MFSD6: variants seen among roughly 807,000 people sequenced by gnomAD.
MFSD6 encodes major facilitator superfamily domain-containing protein 6.
MFSD6 carries 26 observed loss-of-function variants against 56.3 expected under a neutral mutation model. That is an observed-to-expected ratio of 0.46 (90% CI 0.34 to 0.64). The LOEUF is 0.64. MFSD6 is among the 30% of genes least tolerant of loss of function. The pLI, the probability that MFSD6 is intolerant of heterozygous loss-of-function variation, is 0.01. For missense variants in MFSD6, 750 were observed against 986.2 expected, an observed-to-expected ratio of 0.76 and a Z score of 3.21; for synonymous variants, 331 against 366.9, an observed-to-expected ratio of 0.90 and a Z score of 1.12.
rs766388709 is a variant in MFSD6, at chr2:190,464,843, G to GTGGC, written c.1533-4914_1533-4911dup. On this transcript the variant is annotated intron_variant, in intron 3 of 7. Transcript: ENST00000392328. ...CTCCCCTCACAGTATATGGTAGATAGTGGCATCTTAATAAATGTTTATTGA... is the reference window on the plus strand; with the variant it reads ...CTCCCCTCACAGTATATGGTAGATAGTGGCTGGCATCTTAATAAATGTTTATTGA... The GTGGC allele has an allele frequency of 6.3e-4, 537 of 856,824 alleles. 1 individual carries two copies. Among genetic ancestry groups the GTGGC allele is most frequent in the Non-Finnish European group, 7.3e-4 (519 of 712,992 alleles). 53.1% of individuals were successfully genotyped at this position (856,824 alleles called of 1,614,324 possible).
In MFSD6 at chr2:190,459,014, G is replaced by A. The variant is rs1687185346; in HGVS notation, c.1533-10744G>A. ...ACTGACTGCTCCCAAGTCTGACGTAGAGAGTGGGTCCATCCCCTCTTCAGT... is the reference window on the plus strand; with the variant it reads ...ACTGACTGCTCCCAAGTCTGACGTAAAGAGTGGGTCCATCCCCTCTTCAGT... On this transcript the variant is annotated intron_variant, in intron 3 of 7. Transcript: ENST00000392328. The surrounding 1 kb of genome is among the most constrained non-coding windows in gnomAD (Gnocchi z 5.3). 6.6e-6 allele frequency among the ~76,000 whole-genome samples: 1 copy of A among 152,234 alleles called. No homozygotes were observed. Among genetic ancestry groups the A allele is most frequent in the Non-Finnish European group, 1.5e-5 (1 of 68,046 alleles).
In MFSD6 at chr2:190,415,711, T is replaced by C. The variant is rs976411778; in HGVS notation, c.-54+298T>C. ...ATTTTAGATTACATATATGGGAAGG[T>C]ACTAAGGATATAAATTATTCTTTTA... On this transcript the variant is annotated intron_variant, in intron 2 of 7. Coordinates refer to ENST00000392328, the MANE Select transcript of MFSD6 (RefSeq NM_017694.4). The surrounding 1 kb of genome is among the most constrained non-coding windows in gnomAD (Gnocchi z 4.5). 6.6e-6 allele frequency among the ~76,000 whole-genome samples: 1 copy of C among 152,208 alleles called. No homozygotes were observed. The highest frequency in any genetic ancestry group is 2.4e-5 in the African/African-American group (1 of 41,454).
chr2:190,417,690 T>C lies in MFSD6; in HGVS notation c.-54+2277T>C, dbSNP rs573483623. ...CTGGGTGGCCTCATGTGCCCTTTAGTCTTGGGATAAATCTTTTACGGATCC... is the reference window on the plus strand; with the variant it reads ...CTGGGTGGCCTCATGTGCCCTTTAGCCTTGGGATAAATCTTTTACGGATCC... On this transcript the variant is annotated intron_variant, in intron 2 of 7. Coordinates refer to ENST00000392328, the MANE Select transcript of MFSD6 (RefSeq NM_017694.4). This position sits in a 1 kb window ranked among gnomAD's most constrained non-coding sequence, Gnocchi z 5.7. Among the ~76,000 whole-genome samples, 25 of 152,270 alleles carry C rather than the reference T, an allele frequency of 1.6e-4. No homozygotes were observed. The South Asian group carries it at 5.2e-3, about 32-fold the overall frequency.
Position 190,426,656 on chromosome 2 carries a change from G to A in MFSD6, c.-53-9321G>A, listed in dbSNP as rs1685792999. ...ATTCTCCCCACTTTTGGAGTCCCCA[G>A]TGTCTATTATTTCCAAATGATGGTT... On this transcript the variant is annotated intron_variant, in intron 2 of 7. Coordinates refer to ENST00000392328, the MANE Select transcript of MFSD6 (RefSeq NM_017694.4). This position sits in a 1 kb window ranked among gnomAD's most constrained non-coding sequence, Gnocchi z 4.7. Among the ~76,000 whole-genome samples the A allele has an allele frequency of 6.6e-6, 1 of 152,108 alleles. No individual in the cohort carries two copies. The highest frequency in any genetic ancestry group is 2.4e-5 in the African/African-American group (1 of 41,418).
chr2:190,474,392 C>A (rs931851468), intron 4 of MFSD6, among the ~76,000 whole-genome samples: 1 of 152,182 alleles, frequency 6.6e-6, no homozygotes, highest in Non-Finnish European at 1.5e-5. Flanking sequence ...ATATCACCAC[C>A]GATCCCACAG....
intron 4 of MFSD6, among the ~76,000 whole-genome samples, chr2:190,483,821 G>A (rs968216238): frequency 3.2e-5 from 4 of 125,868 alleles, no homozygotes; most frequent in African/African-American, 5.9e-5. Context: ...GGCAACAAGA[G>A]TGAAACTCAT....
rs1030944505 is a variant in MFSD6, at chr2:190,418,507, G to C, written c.-54+3094G>C. 1.1e-4 allele frequency among the ~76,000 whole-genome samples: 16 copies of C among 152,086 alleles called. No individual in the cohort carries two copies. Among genetic ancestry groups the C allele is most frequent in the African/African-American group, 3.9e-4 (16 of 41,398 alleles). ...ACAGTGGCCCACACCTGTAATTCCA[G>C]TACTTTAGGAGGCTGAGGCAAATGG... On this transcript the variant is annotated intron_variant, in intron 2 of 7. Transcript: ENST00000392328. The surrounding 1 kb of genome is among the most constrained non-coding windows in gnomAD (Gnocchi z 4.1).
chr2:190,486,988 A>G (rs1689047916), intron 4 of MFSD6, among the ~76,000 whole-genome samples: 1 of 152,210 alleles, frequency 6.6e-6, no homozygotes. Flanking sequence ...TAAATGGTGA[A>G]GATATAAAAC....
chr2:190,436,996 C>A lies in MFSD6; in HGVS notation c.967C>A (p.Arg323Ser). Residue 323 changes from arginine to serine, a missense_variant, in exon 3 of 8, where the codon CGC becomes AGC. Physicochemically the swap from Arg to Ser is moderately radical, Grantham distance 110. Transcript: ENST00000392328. This position sits in a 1 kb window ranked among gnomAD's most constrained non-coding sequence, Gnocchi z 5.3. The stretch of plus-strand genomic sequence containing the variant: ...CCAGTATCTGGGAAAACACAGAGAT[C>A]GCTATGGGTTGCAGCGCATGTGGGG... The part of the protein sequence containing the change: ...TLQYLGKHRD[R>S]YGLQRMWGSL... The A allele has an allele frequency of 6.2e-7, 1 of 1,614,224 alleles. No homozygotes were observed. Among genetic ancestry groups the A allele is most frequent in the Non-Finnish European group, 8.5e-7 (1 of 1,180,042 alleles).
chr2:190,500,108 CCT>C lies in MFSD6; in HGVS notation c.2267_2268del (p.Pro756ArgfsTer24). 3 of 1,614,176 alleles carry C rather than the reference CCT, an allele frequency of 1.9e-6. No homozygotes were observed. Among genetic ancestry groups the C allele is most frequent in the East Asian group, 2.2e-5 (1 of 44,884 alleles). On this transcript the variant is annotated frameshift_variant, in exon 8 of 8. Coordinates refer to ENST00000392328, the MANE Select transcript of MFSD6 (RefSeq NM_017694.4). LOFTEE classifies it low-confidence loss of function (END_TRUNC). This position sits in a 1 kb window ranked among gnomAD's most constrained non-coding sequence, Gnocchi z 5.3. Reference protein sequence around the residue: ...HSDPSRNQPSPDAAASQTQTS... With the variant: ...HSDPSRNQPSXDAAASQTQTS... ...TGACCCATCTAGAAACCAGCCATCC[CCT>C]GACGCAGCAGCATCTCAGACGCAGA...
chr2:190,449,015 A>G (rs1686679953), intron 3 of MFSD6, among the ~76,000 whole-genome samples: 2 of 152,230 alleles, frequency 1.3e-5, no homozygotes, highest in African/African-American at 4.8e-5. Flanking sequence ...TTATCCAAAT[A>G]CCTCAGGTAA....
At chr2:190,472,844 G>C (rs946004487) in intron 4 of MFSD6, among the ~76,000 whole-genome samples, 6 of 152,132 alleles carry the variant, frequency 3.9e-5, no homozygotes, top group African/African-American at 1.4e-4. Flanking sequence ...GAGAAAGGTC[G>C]GGTTACCCAC....
chr2:190,438,304 T>C lies in MFSD6; in HGVS notation c.1532+743T>C, dbSNP rs958923672. 4.6e-5 allele frequency among the ~76,000 whole-genome samples: 7 copies of C among 151,900 alleles called. No homozygotes were observed. Among genetic ancestry groups the C allele is most frequent in the Admixed American group, 6.6e-5 (1 of 15,254 alleles). ...GCCGAGGCAGGTGGATCACTTGAGG[T>C]CAGGAGTTCGAGACCAGCCTGGCCA... is the stretch of plus-strand genomic sequence containing the variant. On this transcript the variant is annotated intron_variant, in intron 3 of 7. Transcript: ENST00000392328. The surrounding 1 kb of genome is among the most constrained non-coding windows in gnomAD (Gnocchi z 5.2).
rs973444280 is a variant in MFSD6, at chr2:190,420,709, C to G, written c.-54+5296C>G. On this transcript the variant is annotated intron_variant, in intron 2 of 7. Transcript: ENST00000392328. ...ACTTGTTTTTGGTTTCTTTTTGTCC[C>G]TGATCCTGTGATTACACTTTATTTA... Among the ~76,000 whole-genome samples, 4 of 152,094 alleles carry G rather than the reference C, an allele frequency of 2.6e-5. No individual in the cohort carries two copies. The South Asian group carries it at 8.3e-4, about 32-fold the overall frequency.
Position 190,487,830 on chromosome 2 carries a change from A to C in MFSD6, c.1631-827A>C, listed in dbSNP as rs989373768. 5.3e-5 allele frequency among the ~76,000 whole-genome samples: 8 copies of C among 152,238 alleles called. No individual in the cohort carries two copies. Among genetic ancestry groups the C allele is most frequent in the African/African-American group, 1.9e-4 (8 of 41,474 alleles). On this transcript the variant is annotated intron_variant, in intron 4 of 7. Transcript: ENST00000392328. The surrounding 1 kb of genome is among the most constrained non-coding windows in gnomAD (Gnocchi z 5.5). ...GGTACAGCTACTTTGGAAAAAAGGT[A>C]GTTCCTCAAAGTGTTAAACATATAG...
At position 190,417,053 on chromosome 2, in the gene MFSD6, G is replaced by A. The variant is rs1191572325; in HGVS notation, c.-54+1640G>A. Among the ~76,000 whole-genome samples, 3 of 152,154 alleles carry A rather than the reference G, an allele frequency of 2.0e-5. No individual in the cohort carries two copies. The highest frequency in any genetic ancestry group is 4.2e-4 in the South Asian group (2 of 4,810). On this transcript the variant is annotated intron_variant, in intron 2 of 7. Transcript: ENST00000392328. This position sits in a 1 kb window ranked among gnomAD's most constrained non-coding sequence, Gnocchi z 5.7. ...GGGTATACAGTCTTGTTGGGCAAACGAGATATCTGTAAAAAGATAGCAATA... is the reference window on the plus strand; with the variant it reads ...GGGTATACAGTCTTGTTGGGCAAACAAGATATCTGTAAAAAGATAGCAATA...
intron 4 of MFSD6, among the ~76,000 whole-genome samples, chr2:190,476,043 C>T (rs1688285812): frequency 6.6e-6 from 1 of 152,186 alleles, no homozygotes; most frequent in South Asian, 2.1e-4. Flanking sequence ...CTTCCTTACA[C>T]CTTATACAGA....
At chr2:190,432,091 C>A (rs955144237) in intron 2 of MFSD6, among the ~76,000 whole-genome samples, 5 of 152,144 alleles carry the variant, frequency 3.3e-5, no homozygotes, top group African/African-American at 9.7e-5. Flanking sequence ...GGTAATTACT[C>A]ATATTTAGTG....
chr2:190,445,499 A>ATT (rs11397321), intron 3 of MFSD6, among the ~76,000 whole-genome samples: 66 of 148,206 alleles, frequency 4.5e-4, no homozygotes, highest in East Asian at 1.2e-3. Flanking sequence ...AAGAACACGA[A>ATT]TTTTTTTTTT....
Sources: allele counts gnomAD v4.1 joint callset (sites outside exome capture counted in the v4.1 genomes callset), GRCh38; gene constraint gnomAD v4.1.1; non-coding constraint Gnocchi (gnomAD v3.1); transcripts MANE v1.5; gene names NCBI Gene and HGNC (gene_info 2026-07-23, HGNC 2026-07-21).